The following CAPN14 variants were observed in gnomAD, a reference collection of about 807,000 sequenced individuals.
CAPN14 encodes calpain-14.
In CAPN14, 94 loss-of-function variants were observed where a neutral mutation model predicts 101.3. That is an observed-to-expected ratio of 0.93 (90% CI 0.79 to 1.10). The LOEUF (loss-of-function observed/expected upper bound fraction) is 1.10, where lower values mean the gene tolerates loss of function less well. Ranked by LOEUF, CAPN14 falls within the 50% of genes least tolerant of loss-of-function variation. The pLI is 0.00. For missense variants in CAPN14, 837 were observed against 828.4 expected, an observed-to-expected ratio of 1.01 and a Z score of -0.13; for synonymous variants, 338 against 317.9, an observed-to-expected ratio of 1.06 and a Z score of -0.67.
At chr2:31,207,282 C>T (rs568427961) in intron 1 of CAPN14, among the ~76,000 whole-genome samples, 8 of 152,262 alleles carry the variant, frequency 5.3e-5, no homozygotes, top group African/African-American at 1.9e-4. Flanking sequence ...GCCTGGCATT[C>T]GCTGAGATCC....
intron 17 of CAPN14, among the ~76,000 whole-genome samples, chr2:31,179,770 ATGG>A (rs1553390061): frequency 6.6e-6 from 1 of 152,110 alleles, no homozygotes; most frequent in Non-Finnish European, 1.5e-5. Context: ...CTGGTGTGAG[ATGG>A]TATCTCATTG....
chr2:31,209,208 G>A (rs114644732), intron 1 of CAPN14, among the ~76,000 whole-genome samples: 9 of 150,036 alleles, frequency 6.0e-5, no homozygotes, highest in South Asian at 2.1e-4. Context: ...AACTCCTGGC[G>A]TCAGGCAGTC....
intron 8 of CAPN14, among the ~76,000 whole-genome samples, chr2:31,195,365 C>G (rs189543681): frequency 1.3e-5 from 2 of 152,314 alleles, no homozygotes; most frequent in Admixed American, 1.3e-4. Context: ...GAGACAGACT[C>G]TCACTCTGCC....
At chr2:31,188,884 G>A (rs970034792) in intron 13 of CAPN14, among the ~76,000 whole-genome samples, 2 of 152,056 alleles carry the variant, frequency 1.3e-5, no homozygotes, top group Non-Finnish European at 2.9e-5. Context: ...CTTCCCCCAG[G>A]ACCATGGGAG....
upstream of CAPN14, among the ~76,000 whole-genome samples, chr2:31,222,332 C>A (rs1307367088): frequency 6.6e-6 from 1 of 152,136 alleles, no homozygotes; most frequent in Non-Finnish European, 1.5e-5. Flanking sequence ...ACCTGGGCCT[C>A]CCGAACACAT....
rs565912354 is a variant in CAPN14, at chr2:31,191,960, A to G, written c.1253T>C (p.Leu418Pro). The change falls in exon 11 of 22, where the codon CTC becomes CCC. Residue 418 changes from leucine (L) to proline (P), a missense_variant. Transcript: ENST00000403897. ...RHRCRKRKPLLAIGFYLYRMN... is the reference protein window; with the variant it reads ...RHRCRKRKPLPAIGFYLYRMN... ...CCTATACAGGTAGAAGCCAATGGCG[A>G]GGAGAGGCTTCCGCTTGCGGCACCT... 1 of 1,551,366 alleles carries G rather than the reference A, an allele frequency of 6.4e-7. No homozygotes were observed. Among genetic ancestry groups the G allele is most frequent in the East Asian group, 2.4e-5 (1 of 40,910 alleles).
At position 31,192,082 on chromosome 2, in the gene CAPN14, G is replaced by A. The variant is rs1434916354; in HGVS notation, c.1131C>T (p.Asn377=). The change falls in exon 11 of 22, where the codon AAC becomes AAT. Residue 377 remains asparagine, a synonymous_variant. Coordinates refer to ENST00000403897, the MANE Select transcript of CAPN14 (RefSeq NM_001145122.2). ...TCCAGACAGACAGCAGGAACTGCGG[G>A]TTCTTCCAAAATGTGTCTGGAGCAG... ...RQLLQDTFWK[N]PQFLLSVWRP... 5.8e-6 allele frequency: 9 copies of A among 1,549,076 alleles called. No individual in the cohort carries two copies. The highest frequency in any genetic ancestry group is 7.0e-6 in the Non-Finnish European group (8 of 1,145,916).
intron 3 of CAPN14, among the ~76,000 whole-genome samples, chr2:31,202,794 T>C (rs1822498): frequency 0.21 from 31,495 of 152,086 alleles, 3,693 homozygotes; most frequent in East Asian, 0.37. Flanking sequence ...TGAGCACATT[T>C]TCCAAATTTA....
chr2:31,211,196 AAAAG>A (rs1245898795), intron 1 of CAPN14, among the ~76,000 whole-genome samples: 31 of 150,508 alleles, frequency 2.1e-4, no homozygotes, highest in Middle Eastern at 3.2e-3. Flanking sequence ...AAAGAAAGAA[AAAAG>A]AAAGAAAGAA....
rs543956945 is a variant in CAPN14, at chr2:31,180,982, G to T, written c.1664C>A (p.Pro555His). Residue 555 changes from proline (P) to histidine (H), a missense_variant, in exon 17 of 22, where the codon CCC becomes CAC. By Grantham distance (77) the Pro-to-His change is moderately conservative (BLOSUM62 -2). Coordinates refer to ENST00000403897, the MANE Select transcript of CAPN14 (RefSeq NM_001145122.2). ...MTWSSLGSRQ[P>H]FFSLEACQGI... The stretch of plus-strand genomic sequence containing the variant: ...CTGGCAGGCTTCCAGGCTAAAGAAG[G>T]GCTGTCTGCTCCCCAGACCTGTGAA... 2 of 1,551,792 alleles carry T rather than the reference G, an allele frequency of 1.3e-6. No individual in the cohort carries two copies. Among genetic ancestry groups the T allele is most frequent in the East Asian group, 4.9e-5 (2 of 40,916 alleles).
chr2:31,223,695 A>G (rs536794642), intron 2 of CAPN14, among the ~76,000 whole-genome samples: 7 of 151,580 alleles, frequency 4.6e-5, no homozygotes, highest in African/African-American at 1.7e-4. Flanking sequence ...CGCGTGGCTA[A>G]TTTTTTGTAT....
chr2:31,174,354 G>A lies in CAPN14; in HGVS notation c.*327C>T. 2 of 474,588 alleles carry A rather than the reference G, an allele frequency of 4.2e-6. No homozygotes were observed. Among genetic ancestry groups the A allele is most frequent in the East Asian group, 7.8e-5 (2 of 25,804 alleles). The allele number at this position is 474,588 out of a possible 1,614,324, so 29.4% of individuals were successfully genotyped here. Reference sequence around the variant, plus strand: ...AGTTTGCAGCCACAGAGGCAGTGTTGTATGGAGGCTAACCACACCAGCTCT... The same window carrying A: ...AGTTTGCAGCCACAGAGGCAGTGTTATATGGAGGCTAACCACACCAGCTCT... On this transcript the variant is annotated 3_prime_UTR_variant, in exon 22 of 22. Transcript: ENST00000403897.
At chr2:31,224,408 T>C (rs1374547177) in intron 2 of CAPN14, among the ~76,000 whole-genome samples, 2 of 152,008 alleles carry the variant, frequency 1.3e-5, no homozygotes, top group African/African-American at 4.8e-5. Flanking sequence ...AAAAAATAAG[T>C]GTTCAAAGAG....
At chr2:31,218,945 T>TGGATCTG (rs1337024572), upstream of CAPN14, among the ~76,000 whole-genome samples, 5 of 140,414 alleles carry the variant, frequency 3.6e-5, no homozygotes, top group Non-Finnish European at 7.6e-5. Context: ...GCAGAAGCAG[T>TGGATCTG]GGATCTGGGA....
intron 2 of CAPN14, among the ~76,000 whole-genome samples, chr2:31,224,549 G>A (rs763033947): frequency 2.0e-5 from 3 of 152,086 alleles, no homozygotes; most frequent in Non-Finnish European, 4.4e-5. Flanking sequence ...TTTCAACACT[G>A]TTCTGAAAAT....
chr2:31,231,959 G>A (rs899552656), intron 1 of CAPN14, among the ~76,000 whole-genome samples: 2 of 152,154 alleles, frequency 1.3e-5, no homozygotes, highest in African/African-American at 2.4e-5. Context: ...AAACACCAAG[G>A]GTGAAATATT....
chr2:31,206,045 T>A (rs950506650), intron 1 of CAPN14, among the ~76,000 whole-genome samples: 10 of 148,572 alleles, frequency 6.7e-5, no homozygotes, highest in African/African-American at 2.4e-4. Flanking sequence ...TTTATTTTTT[T>A]TTTTTGAGAC....
At chr2:31,209,367 C>T (rs1682274636) in intron 1 of CAPN14, among the ~76,000 whole-genome samples, 1 of 152,208 alleles carries the variant, frequency 6.6e-6, no homozygotes, top group South Asian at 2.1e-4. Flanking sequence ...TCTATAGATG[C>T]TGGGTGCTAG....
chr2:31,199,621 G>T lies in CAPN14; in HGVS notation c.727-89C>A, dbSNP rs1365837764. On this transcript the variant is annotated intron_variant, in intron 6 of 21. Coordinates refer to ENST00000403897, the MANE Select transcript of CAPN14 (RefSeq NM_001145122.2). ...GGAAGGCTGTTTGGCTGGAGCAGGG[G>T]TTTATGGAGAGAAGTGTGGGAGATA... 9.6e-6 allele frequency: 10 copies of T among 1,037,444 alleles called. No individual in the cohort carries two copies. The East Asian group carries it at 2.1e-4, about 22-fold the overall frequency. 64.3% of individuals were successfully genotyped at this position (1,037,444 alleles called of 1,614,324 possible).
Sources: gnomAD v4.1 joint callset for allele counts (sites outside exome capture counted in the v4.1 genomes callset) on GRCh38, gnomAD v4.1.1 for gene constraint, MANE v1.5 for transcripts, NCBI Gene and HGNC (gene_info 2026-07-23, HGNC 2026-07-21) for gene names.